Variants in PP2D1 observed in about 807,000 individuals in gnomAD.
The protein encoded by PP2D1 is protein phosphatase 2C like domain containing 1.
In PP2D1, 25 loss-of-function variants were observed where a neutral mutation model predicts 30.2. The ratio of observed to expected loss-of-function variants is 0.83; its 90% CI spans 0.60 to 1.16. The LOEUF (loss-of-function observed/expected upper bound fraction) is 1.16, where lower values mean the gene tolerates loss of function less well. Among genes scored for constraint, PP2D1 ranks in the 50% most tolerant of loss-of-function variants. The pLI is 0.00. For synonymous variants in PP2D1, 260 were observed against 258.9 expected, an observed-to-expected ratio of 1.00 and a Z score of -0.04; for missense variants, 760 against 742.4, an observed-to-expected ratio of 1.02 and a Z score of -0.28.
intron 2 of PP2D1, among the ~76,000 whole-genome samples, chr3:20,000,169 A>C (rs1370616772): frequency 1.3e-5 from 2 of 152,162 alleles, no homozygotes; most frequent in Non-Finnish European, 2.9e-5. Flanking sequence ...TCCAATTCCT[A>C]TTACTTCTGA....
At chr3:19,995,567 T>C (rs1697169871) in intron 2 of PP2D1, among the ~76,000 whole-genome samples, 1 of 152,144 alleles carries the variant, frequency 6.6e-6, no homozygotes. Flanking sequence ...TGGTAACTTG[T>C]TACAGCAGCC....
intron 2 of PP2D1, among the ~76,000 whole-genome samples, chr3:19,999,564 T>C (rs1697227375): frequency 1.3e-5 from 2 of 150,094 alleles, no homozygotes; most frequent in Non-Finnish European, 3.0e-5. Flanking sequence ...TTTTTTTGTA[T>C]TTTTAGTAAA....
chr3:19,993,841 G>A (rs1697146293), intron 2 of PP2D1, among the ~76,000 whole-genome samples: 1 of 152,058 alleles, frequency 6.6e-6, no homozygotes, highest in African/African-American at 2.4e-5. Flanking sequence ...CCAGGTTCAA[G>A]CAATTCTCTG....
At chr3:19,995,481 A>C (rs1380097738) in intron 2 of PP2D1, among the ~76,000 whole-genome samples, 1 of 152,210 alleles carries the variant, frequency 6.6e-6, no homozygotes, top group African/African-American at 2.4e-5. Context: ...TGGCCCTGTG[A>C]ACACCTTGAC....
intron 1 of PP2D1, among the ~76,000 whole-genome samples, chr3:20,005,289 A>G (rs1384458473): frequency 6.6e-6 from 1 of 151,896 alleles, no homozygotes; most frequent in African/African-American, 2.4e-5. Context: ...AGTAGCTGGG[A>G]TTACAGGCAT....
rs190314915 is a variant in PP2D1, at chr3:20,004,908, A to G, written c.24-2812T>C. On this transcript the variant is annotated intron_variant, in intron 1 of 2. Coordinates refer to ENST00000389050, the MANE Select transcript of PP2D1 (RefSeq NM_001252657.2). ...GATCACTTGAGGCCAGGAGTTTGAG[A>G]CCAGCCTGGGCAACATAGTGAGGCC... Among the ~76,000 whole-genome samples the G allele has an allele frequency of 2.0e-3, 306 of 152,218 alleles. 1 individual carries two copies. The highest frequency in any genetic ancestry group is 2.5e-3 in the Non-Finnish European group (169 of 67,996).
chr3:20,006,196 A>C (rs1213108901), intron 1 of PP2D1, among the ~76,000 whole-genome samples: 1 of 152,172 alleles, frequency 6.6e-6, no homozygotes, highest in Non-Finnish European at 1.5e-5. Context: ...CAGTGAGCCA[A>C]GATCAAGCCA....
chr3:20,001,276 T>G lies in PP2D1; in HGVS notation c.844A>C (p.Thr282Pro). 6.5e-7 allele frequency: 1 copy of G among 1,536,142 alleles called. No homozygotes were observed. Among genetic ancestry groups the G allele is most frequent in the Non-Finnish European group, 8.7e-7 (1 of 1,146,872 alleles). Reference protein sequence around the residue: ...TEAVRCEYEDTHKAFAKAFWR... With the variant: ...TEAVRCEYEDPHKAFAKAFWR... ...AATGCTTTTGCAAAGGCTTTGTGTG[T>G]GTCCTCATACTCACACCTCACTGCT... The change falls in exon 2 of 3, where the codon ACA becomes CCA. Residue 282 changes from threonine (T) to proline (P), a missense_variant. Physicochemically the swap from Thr to Pro is conservative, Grantham distance 38. This residue lies in a region of PP2D1 where 374 missense variants were observed against 388.8 expected (regional missense o/e 0.96). Transcript: ENST00000389050.
In PP2D1 at chr3:19,985,845, C is replaced by T; in HGVS notation, c.1428G>A (p.Met476Ile). ...VTALAMTTFH[M>I]YKETYCPIIP... ...TGATAGGACAGTATGTTTCTTTATACATGTGAAATGTTGTCATTGCCAGGG... is the reference window on the plus strand; with the variant it reads ...TGATAGGACAGTATGTTTCTTTATATATGTGAAATGTTGTCATTGCCAGGG... The change falls in exon 3 of 3, where the codon ATG (methionine) becomes ATA (isoleucine). Residue 476 changes from methionine (M) to isoleucine (I), a missense_variant. Physicochemically the swap from Met to Ile is conservative, Grantham distance 10 (BLOSUM62 1). Transcript: ENST00000389050. The T allele has an allele frequency of 1.3e-6, 2 of 1,536,238 alleles. No homozygotes were observed. Among genetic ancestry groups the T allele is most frequent in the Admixed American group, 2.0e-5 (1 of 50,998 alleles).
chr3:20,004,060 C>T (rs906476417), intron 1 of PP2D1, among the ~76,000 whole-genome samples: 1 of 152,116 alleles, frequency 6.6e-6, no homozygotes, highest in African/African-American at 2.4e-5. Flanking sequence ...TGTGCTAGAC[C>T]TTCACACTCA....
At chr3:20,011,460 T>C (rs1697385118) in intron 1 of PP2D1, among the ~76,000 whole-genome samples, 1 of 152,142 alleles carries the variant, frequency 6.6e-6, no homozygotes, top group African/African-American at 2.4e-5. Context: ...CGTGGGCCAT[T>C]CTTAGAATGT....
chr3:19,996,894 CG>C (rs1697186876), intron 2 of PP2D1: 1 of 151,966 alleles, frequency 6.6e-6, no homozygotes, highest in Non-Finnish European at 1.5e-5. Context: ...CTCACCGTGA[CG>C]ACTTGTAATA....
intron 2 of PP2D1, 59 bp from the exon 3 acceptor site, chr3:19,986,241 AAATCTACTGCT>A (rs1251202875): frequency 4.1e-6 from 5 of 1,205,884 alleles, no homozygotes; most frequent in African/African-American, 1.5e-5. Context: ...AATTGTATCA[AAATCTACTGCT>A]AACTTTAGTA....
chr3:19,990,123 T>C lies in PP2D1; in HGVS notation c.1091-3941A>G, dbSNP rs75046249. Among the ~76,000 whole-genome samples the C allele has an allele frequency of 4.1e-3, 624 of 152,260 alleles. 7 individuals are homozygous for C. Among genetic ancestry groups the C allele is most frequent in the African/African-American group, 0.014 (584 of 41,552 alleles). ...TAGGAGAAAGGACATTAAATCCTGG[T>C]TGCAGTTCTTCCTCTACCTGTTAAA... On this transcript the variant is annotated intron_variant, in intron 2 of 2. Coordinates refer to ENST00000389050, the MANE Select transcript of PP2D1 (RefSeq NM_001252657.2).
rs1455452835 is a variant in PP2D1, at chr3:19,985,696, GAC to G, written c.1575_1576del (p.Ser526AsnfsTer15). On this transcript the variant is annotated frameshift_variant, in exon 3 of 3. Coordinates refer to ENST00000389050, the MANE Select transcript of PP2D1 (RefSeq NM_001252657.2). LOFTEE classifies it low-confidence loss of function (END_TRUNC). ...TAAATTTTCTTTGGAATTTGTAGTT[GAC>G]ACACGTACTTCAGATACAGATTTAT... 15 of 1,535,552 alleles carry G rather than the reference GAC, an allele frequency of 9.8e-6. No homozygotes were observed. Among genetic ancestry groups the G allele is most frequent in the African/African-American group, 6.8e-5 (5 of 73,028 alleles).
chr3:19,990,703 AAC>A, intron 2 of PP2D1, among the ~76,000 whole-genome samples: 1 of 151,986 alleles, frequency 6.6e-6, no homozygotes, highest in African/African-American at 2.4e-5. Context: ...TGAAAGCTTG[AAC>A]AGAATAATGA....
At chr3:20,011,580 C>T (rs6784536) in intron 1 of PP2D1, among the ~76,000 whole-genome samples, 28,108 of 151,852 alleles carry the variant, frequency 0.19, 2,703 homozygotes, top group Non-Finnish European at 0.21. Flanking sequence ...GGGCCTATCA[C>T]TTGAGGTCAG....
intron 1 of PP2D1, among the ~76,000 whole-genome samples, chr3:20,010,050 A>T (rs1032432157): frequency 1.3e-5 from 2 of 152,108 alleles, no homozygotes; most frequent in Non-Finnish European, 2.9e-5. Context: ...ACTGTCATCA[A>T]TATTTTTTTA....
chr3:19,983,757 C>T (rs773447888), downstream of PP2D1: 4 of 1,612,506 alleles, frequency 2.5e-6, no homozygotes, highest in Admixed American at 3.3e-5. Flanking sequence ...CAAATTCTGC[C>T]AGAGGAAGAG....
Sources: allele counts gnomAD v4.1 joint callset (sites outside exome capture counted in the v4.1 genomes callset), GRCh38; gene constraint gnomAD v4.1.1; regional missense constraint gnomAD v4.1.1; transcripts MANE v1.5; gene names NCBI Gene and HGNC (gene_info 2026-07-23, HGNC 2026-07-21).